Variants in SLC26A5 observed in about 807,000 individuals in gnomAD.
SLC26A5 encodes solute carrier family 26 member 5.
SLC26A5 carries 51 observed loss-of-function variants against 81.0 expected under a neutral mutation model. The observed-to-expected ratio is 0.63, with a 90% confidence interval of 0.50 to 0.80. The LOEUF (loss-of-function observed/expected upper bound fraction) is 0.80, where lower values mean the gene tolerates loss of function less well. Ranked by LOEUF, SLC26A5 falls within the 30% of genes least tolerant of loss-of-function variation. The pLI, the probability that SLC26A5 is intolerant of heterozygous loss-of-function variation, is 0.00. For missense variants in SLC26A5, 771 were observed against 905.8 expected, an observed-to-expected ratio of 0.85 and a Z score of 1.91; for synonymous variants, 325 against 332.8, an observed-to-expected ratio of 0.98 and a Z score of 0.25.
intron 14 of SLC26A5, among the ~76,000 whole-genome samples, chr7:103,382,957 A>T (rs1393736101): frequency 6.6e-6 from 1 of 152,168 alleles, no homozygotes. Context: ...TCTTAGCATG[A>T]ATGTCAAAGG....
intron 4 of SLC26A5, among the ~76,000 whole-genome samples, chr7:103,415,315 T>A (rs1197532765): frequency 6.6e-6 from 1 of 152,234 alleles, no homozygotes; most frequent in Non-Finnish European, 1.5e-5. Flanking sequence ...TGCTCACCCC[T>A]CTTCCTCCAG....
intron 8 of SLC26A5, among the ~76,000 whole-genome samples, chr7:103,405,011 T>G (rs1292314389): frequency 6.6e-6 from 1 of 152,188 alleles, no homozygotes; most frequent in East Asian, 1.9e-4. Context: ...GAAATTCTTG[T>G]GCTGTGTTTT....
chr7:103,393,199 C>A (rs987698432), intron 9 of SLC26A5, 133 bp from the exon 10 acceptor site: 3 of 1,145,706 alleles, frequency 2.6e-6, no homozygotes, highest in Non-Finnish European at 2.5e-6. Flanking sequence ...TACTTATTTG[C>A]TCTGGTTGGC....
At chr7:103,429,392 A>G (rs932290985) in intron 2 of SLC26A5, among the ~76,000 whole-genome samples, 1 of 152,216 alleles carries the variant, frequency 6.6e-6, no homozygotes, top group Non-Finnish European at 1.5e-5. Context: ...ATGGGCCTCA[A>G]TATAAACAAC....
intron 19 of SLC26A5, among the ~76,000 whole-genome samples, chr7:103,364,958 C>CATACATAT (rs374432802): frequency 1.8e-3 from 221 of 125,488 alleles, no homozygotes; most frequent in Non-Finnish European, 3.1e-3. Context: ...TGTAGACATA[C>CATACATAT]ATATATATAT....
chr7:103,385,684 A>AT (rs1256535944), intron 14 of SLC26A5, among the ~76,000 whole-genome samples: 16 of 147,976 alleles, frequency 1.1e-4, no homozygotes, highest in Non-Finnish European at 1.9e-4. Flanking sequence ...TAGAGCTTTT[A>AT]TTTTTTTCTT....
chr7:103,385,247 C>T (rs1345414095), intron 14 of SLC26A5, among the ~76,000 whole-genome samples: 3 of 151,868 alleles, frequency 2.0e-5, no homozygotes, highest in African/African-American at 7.3e-5. Flanking sequence ...CTACAAGCTC[C>T]GCCTCCCCGG....
intron 19 of SLC26A5, among the ~76,000 whole-genome samples, chr7:103,363,956 C>G (rs752093947): frequency 3.3e-5 from 5 of 152,080 alleles, no homozygotes; most frequent in Non-Finnish European, 7.3e-5. Flanking sequence ...GAACTTATGT[C>G]TTAGAATAAG....
At chr7:103,382,626 A>C (rs1667653070) in intron 14 of SLC26A5, among the ~76,000 whole-genome samples, 1 of 152,116 alleles carries the variant, frequency 6.6e-6, no homozygotes, top group African/African-American at 2.4e-5. Context: ...CCAGGATTAC[A>C]GACAGGCATG....
chr7:103,393,714 C>T (rs1822862843), intron 9 of SLC26A5, among the ~76,000 whole-genome samples: 1 of 151,838 alleles, frequency 6.6e-6, no homozygotes, highest in South Asian at 2.1e-4. Context: ...TCCTGGAATC[C>T]CACAATGGAG....
At chr7:103,381,482 T>A (rs1206821919) in intron 14 of SLC26A5, among the ~76,000 whole-genome samples, 1 of 149,566 alleles carries the variant, frequency 6.7e-6, no homozygotes, top group Non-Finnish European at 1.5e-5. Context: ...CACCCACACA[T>A]GCATACACAG....
chr7:103,390,473 G>A lies in SLC26A5; in HGVS notation c.1267C>T (p.Leu423=). The change falls in exon 12 of 20, where the codon CTG becomes TTG. Residue 423 remains leucine (L), a synonymous_variant. Transcript: ENST00000306312. The part of the protein sequence containing the change: ...AGCLASLMIL[L]VILATGFLFE... ...AGGAATCCAGTTGCTAATATGACCA[G>A]CAGAATCATTAATGAGGCCAAACAA... 6.2e-7 allele frequency: 1 copy of A among 1,614,172 alleles called. No homozygotes were observed. Among genetic ancestry groups the A allele is most frequent in the Non-Finnish European group, 8.5e-7 (1 of 1,180,022 alleles).
intron 9 of SLC26A5, among the ~76,000 whole-genome samples, chr7:103,395,392 A>T (rs2116513352): frequency 7.3e-6 from 1 of 137,426 alleles, no homozygotes; most frequent in East Asian, 2.1e-4. Flanking sequence ...GAAGGGAAGC[A>T]GTATGTTTGA....
In SLC26A5 at chr7:103,410,475, G is replaced by A. The variant is rs141140753; in HGVS notation, c.645C>T (p.Thr215=). 38 of 1,613,750 alleles carry A rather than the reference G, an allele frequency of 2.4e-5. No homozygotes were observed. The highest frequency in any genetic ancestry group is 2.7e-5 in the Non-Finnish European group (32 of 1,179,940). ...LTEPLVRGFT[T]AAAVHVFTSM... is the part of the protein sequence containing the mutation. ...AGGTGAAGACATGCACAGCTGCTGCGGTGGTAAACCCACGGACCAGAGGCT... is the reference window on the plus strand; with the variant it reads ...AGGTGAAGACATGCACAGCTGCTGCAGTGGTAAACCCACGGACCAGAGGCT... The change falls in exon 7 of 20, where the codon ACC becomes ACT. Residue 215 remains threonine, a synonymous_variant. Coordinates refer to ENST00000306312, the MANE Select transcript of SLC26A5 (RefSeq NM_198999.3).
At chr7:103,415,058 C>T (rs1824799501) in intron 4 of SLC26A5, among the ~76,000 whole-genome samples, 1 of 152,166 alleles carries the variant, frequency 6.6e-6, no homozygotes, top group Non-Finnish European at 1.5e-5. Flanking sequence ...GGCAATAAGC[C>T]CTTTTTATTC....
Position 103,394,087 on chromosome 7 carries a change from CA to C in SLC26A5, c.972-1022del, listed in dbSNP as rs768177035. On this transcript the variant is annotated intron_variant, in intron 9 of 19. Coordinates refer to ENST00000306312, the MANE Select transcript of SLC26A5 (RefSeq NM_198999.3). Reference sequence around the variant, plus strand: ...CAAGCAGCTCATCTACCAAGTACAACAAAACCATAAAGAACCTGCTTGGCCA... The same window carrying C: ...CAAGCAGCTCATCTACCAAGTACAACAAACCATAAAGAACCTGCTTGGCCA... Among the ~76,000 whole-genome samples, 91 of 152,272 alleles carry C rather than the reference CA, an allele frequency of 6.0e-4. 1 individual carries two copies. The highest frequency in any genetic ancestry group is 4.1e-3 in the Admixed American group (63 of 15,292).
rs769148675 is a variant in SLC26A5 at position 103,378,573 on chromosome 7, A to G, written c.1678-20T>C. On this transcript the variant is annotated intron_variant, in intron 16 of 19. Transcript: ENST00000306312. ...TCCAGTCTTTACAGAAGAGCACCAT[A>G]TGCAAAATCACTTCATGGCTCTCAG... 3 of 1,608,468 alleles carry G rather than the reference A, an allele frequency of 1.9e-6. No homozygotes were observed. Among genetic ancestry groups the G allele is most frequent in the Non-Finnish European group, 2.6e-6 (3 of 1,174,908 alleles).
chr7:103,405,362 G>T (rs1300424060), intron 8 of SLC26A5, among the ~76,000 whole-genome samples: 10 of 152,134 alleles, frequency 6.6e-5, no homozygotes, highest in Admixed American at 3.3e-4. Flanking sequence ...TTCGGATGGG[G>T]TTTTTATGTT....
chr7:103,396,500 G>A (rs1342931141), intron 9 of SLC26A5, among the ~76,000 whole-genome samples: 3 of 152,196 alleles, frequency 2.0e-5, no homozygotes, highest in East Asian at 1.9e-4. Context: ...GCCTTAAGAA[G>A]GGAAGAAAAT....
Sources: gnomAD v4.1 joint callset for allele counts (sites outside exome capture counted in the v4.1 genomes callset) on GRCh38, gnomAD v4.1.1 for gene constraint, MANE v1.5 for transcripts, NCBI Gene and HGNC (gene_info 2026-07-23, HGNC 2026-07-21) for gene names.